The following ALMS1 variants were observed in gnomAD, a reference collection of about 807,000 sequenced individuals.
ALMS1 encodes centrosome-associated protein ALMS1.
Under a neutral mutation model 352.2 loss-of-function variants are expected in ALMS1, and 271 were observed. The observed-to-expected ratio is 0.77, with a 90% CI of 0.70 to 0.85. The LOEUF (loss-of-function observed/expected upper bound fraction) is 0.85. Ranked by LOEUF, ALMS1 falls within the 40% of genes least tolerant of loss-of-function variation. The pLI is 0.00. For missense variants in ALMS1, 5,445 were observed against 4,870.7 expected (o/e 1.12, Z -3.51); for synonymous variants, 1,865 against 1,761.2 (o/e 1.06, Z -1.48).
chr2:73,494,522 G>A (rs556534056), intron 10 of ALMS1, among the ~76,000 whole-genome samples: 14 of 152,254 alleles, frequency 9.2e-5, no homozygotes, highest in South Asian at 4.1e-4. Flanking sequence ...CCAGGATTCC[G>A]TCTTGCATTT....
chr2:73,597,559 G>A (rs1675577118), intron 16 of ALMS1, among the ~76,000 whole-genome samples: 1 of 151,980 alleles, frequency 6.6e-6, no homozygotes, highest in South Asian at 2.1e-4. Flanking sequence ...CTTTTTTAAG[G>A]AGAAAATAAA....
chr2:73,400,439 G>A (rs1189277862), intron 1 of ALMS1, among the ~76,000 whole-genome samples: 1 of 152,164 alleles, frequency 6.6e-6, no homozygotes, highest in Non-Finnish European at 1.5e-5. Context: ...ATTGGCAGTA[G>A]GGTAATACAG....
At chr2:73,507,221 T>A (rs1291724865) in intron 10 of ALMS1, among the ~76,000 whole-genome samples, 1 of 150,646 alleles carries the variant, frequency 6.6e-6, no homozygotes, top group African/African-American at 2.4e-5. Flanking sequence ...GTTTATCAGG[T>A]ATATTGGCCT....
At chr2:73,476,434 C>T (rs1185336346) in intron 9 of ALMS1, among the ~76,000 whole-genome samples, 4 of 152,030 alleles carry the variant, frequency 2.6e-5, no homozygotes, top group African/African-American at 9.7e-5. Context: ...ATTCCTGGAT[C>T]ATACAGTCAT....
At position 73,594,725 on chromosome 2, in the gene ALMS1, T is replaced by C. The variant is rs183987627; in HGVS notation, c.11548-4676T>C. ...TACCTGGCTCTGCTCCCAGAGCTGC[T>C]CTCTGAAGGCACAGGAAACAGACCT... On this transcript the variant is annotated intron_variant, in intron 16 of 22. Coordinates refer to ENST00000613296, the MANE Select transcript of ALMS1 (RefSeq NM_001378454.1). Among the ~76,000 whole-genome samples, 96 of 152,324 alleles carry C rather than the reference T, an allele frequency of 6.3e-4. 4 individuals are homozygous for C. The highest frequency in any genetic ancestry group is 6.2e-3 in the Admixed American group (95 of 15,304).
intron 17 of ALMS1, 42 bp from the exon 18 acceptor site, chr2:73,600,636 C>T (rs1387557287): frequency 6.4e-7 from 1 of 1,561,764 alleles, no homozygotes; most frequent in African/African-American, 1.4e-5. Context: ...TCAACTCAGC[C>T]TCAAGGTTAC....
chr2:73,573,200 C>T lies in ALMS1; in HGVS notation c.11323C>T (p.Leu3775=), dbSNP rs771595125. 2.2e-5 allele frequency: 35 copies of T among 1,612,294 alleles called. No homozygotes were observed. The highest frequency in any genetic ancestry group is 2.8e-5 in the Non-Finnish European group (33 of 1,178,954). The change falls in exon 16 of 23, where the codon CTG becomes TTG. Residue 3775 remains leucine, a synonymous_variant. Coordinates refer to ENST00000613296, the MANE Select transcript of ALMS1 (RefSeq NM_001378454.1). The part of the protein sequence containing the change: ...ILTQTDREVA[L]HERSSSVSTI... ...GACCCAAACAGATAGAGAGGTGGCT[C>T]TGCACGAAAGGAGTAGCTCTGTTTC...
At chr2:73,438,870 G>A (rs1030680580) in intron 7 of ALMS1, among the ~76,000 whole-genome samples, 7 of 151,694 alleles carry the variant, frequency 4.6e-5, no homozygotes, top group Admixed American at 4.6e-4. Flanking sequence ...GGATTGCTTT[G>A]TCTTCTTGGT....
chr2:73,520,646 A>C (rs1407202922), intron 11 of ALMS1, among the ~76,000 whole-genome samples: 1 of 152,206 alleles, frequency 6.6e-6, no homozygotes, highest in African/African-American at 2.4e-5. Flanking sequence ...AAGTAACCCA[A>C]ATCACTTTCC....
Position 73,600,721 on chromosome 2 carries a change from TGTTG to T in ALMS1, c.11714_11717del (p.Val3905GlyfsTer2), listed in dbSNP as rs932538480. The stretch of plus-strand genomic sequence containing the variant: ...ACGGTGCCAAAAAACACACTCGAGA[TGTTG>T]GGATAACTTTCCCAACTCCAAGTTC... On this transcript the variant is annotated frameshift_variant, in exon 18 of 23. Transcript: ENST00000613296. LOFTEE classifies it high-confidence loss of function. 1.9e-6 allele frequency: 3 copies of T among 1,614,044 alleles called. No homozygotes were observed. Among genetic ancestry groups the T allele is most frequent in the Non-Finnish European group, 2.5e-6 (3 of 1,180,028 alleles).
At chr2:73,592,079 A>G (rs935310938) in intron 16 of ALMS1, among the ~76,000 whole-genome samples, 6 of 152,132 alleles carry the variant, frequency 3.9e-5, no homozygotes, top group African/African-American at 7.2e-5. Flanking sequence ...TCTCTTAACT[A>G]TTGTTTGAAT....
At chr2:73,598,761 C>T (rs1675606855) in intron 16 of ALMS1, among the ~76,000 whole-genome samples, 2 of 152,290 alleles carry the variant, frequency 1.3e-5, no homozygotes, top group South Asian at 4.1e-4. Context: ...TTAAGAAGCA[C>T]TATTTTACAC....
intron 3 of ALMS1, among the ~76,000 whole-genome samples, chr2:73,420,759 A>C (rs1470715079): frequency 1.3e-5 from 2 of 152,216 alleles, no homozygotes; most frequent in Non-Finnish European, 2.9e-5. Context: ...TTAGGGCAGA[A>C]CATTTTAAAT....
chr2:73,390,993 T>A (rs573206145), intron 1 of ALMS1, among the ~76,000 whole-genome samples: 1 of 151,966 alleles, frequency 6.6e-6, no homozygotes, highest in South Asian at 2.1e-4. Flanking sequence ...ATGGTCTTGA[T>A]CTCTTGACCT....
chr2:73,564,523 C>T (rs1166170608), intron 15 of ALMS1, among the ~76,000 whole-genome samples: 1 of 149,666 alleles, frequency 6.7e-6, no homozygotes, highest in Non-Finnish European at 1.5e-5. Flanking sequence ...ACTGTATTCA[C>T]AGATAAGTGC....
At chr2:73,521,580 CA>C (rs565126393) in intron 11 of ALMS1, among the ~76,000 whole-genome samples, 14,619 of 94,860 alleles carry the variant, frequency 0.15, 784 homozygotes, top group East Asian at 0.33. Flanking sequence ...ACTAAAAATA[CA>C]AAAAAAAAAA....
At chr2:73,477,384 G>A (rs1672604987) in intron 9 of ALMS1, among the ~76,000 whole-genome samples, 1 of 151,834 alleles carries the variant, frequency 6.6e-6, no homozygotes, top group Non-Finnish European at 1.5e-5. Flanking sequence ...CTTGATTATT[G>A]TAGCTTTGGA....
intron 7 of ALMS1, among the ~76,000 whole-genome samples, chr2:73,440,912 C>T (rs1191487137): frequency 6.6e-6 from 1 of 152,158 alleles, no homozygotes; most frequent in Non-Finnish European, 1.5e-5. Flanking sequence ...TGGCTGTGAT[C>T]CCAAAGATAA....
At chr2:73,541,298 G>C (rs181326093) in intron 12 of ALMS1, among the ~76,000 whole-genome samples, 22 of 152,300 alleles carry the variant, frequency 1.4e-4, no homozygotes, top group South Asian at 6.2e-4. Flanking sequence ...AATGAAGGCA[G>C]AAATAAAGAT....
Sources: gnomAD v4.1 joint callset for allele counts (sites outside exome capture counted in the v4.1 genomes callset) on GRCh38, gnomAD v4.1.1 for gene constraint, MANE v1.5 for transcripts, NCBI Gene and HGNC (gene_info 2026-07-23, HGNC 2026-07-21) for gene names.